The following KCNMA1 variants were observed in gnomAD, a reference collection of about 807,000 sequenced individuals.
The protein encoded by KCNMA1 is potassium calcium-activated channel subfamily M alpha 1.
KCNMA1 carries 29 observed loss-of-function variants against 140.0 expected under a neutral mutation model. That is an observed-to-expected ratio of 0.21 (90% CI 0.15 to 0.28). The LOEUF (loss-of-function observed/expected upper bound fraction) is 0.28, where lower values mean the gene tolerates loss of function less well. Ranked by LOEUF, KCNMA1 falls within the 10% of genes least tolerant of loss-of-function variation. The pLI is 1.00. For missense variants in KCNMA1, 880 were observed against 1,602.2 expected (o/e 0.55, Z 7.70); for synonymous variants, 612 against 611.9 (o/e 1.00, Z 0.00).
At chr10:77,506,596 A>AGAGAGAGTGTGTGTGTGTGTGTGTGT in intron 1 of KCNMA1, among the ~76,000 whole-genome samples, 2 of 83,570 alleles carry the variant, frequency 2.4e-5, no homozygotes, top group East Asian at 4.4e-4. Context: ...AGAGAGAGAG[A>AGAGAGAGTGTGTGTGTGTGTGTGTGT]GTGTGTGTGT....
chr10:77,258,613 T>C (rs962418356), intron 2 of KCNMA1, among the ~76,000 whole-genome samples: 4 of 152,222 alleles, frequency 2.6e-5, no homozygotes, highest in African/African-American at 9.6e-5. Context: ...CTTTACTGTT[T>C]AGCAAGTATA....
chr10:77,309,296 G>A (rs113740698), intron 2 of KCNMA1, among the ~76,000 whole-genome samples: 3,832 of 152,246 alleles, frequency 0.025, 149 homozygotes, highest in African/African-American at 0.088. Context: ...CCTGAAGTAC[G>A]CTCTCCAGAT....
chr10:77,471,166 CCACACACAA>C (rs1168263138), intron 1 of KCNMA1, among the ~76,000 whole-genome samples: 2 of 148,678 alleles, frequency 1.3e-5, no homozygotes, highest in East Asian at 4.0e-4. Context: ...TACACACACA[CCACACACAA>C]CACACAATAC....
Position 77,001,504 on chromosome 10 carries a change from G to A in KCNMA1, c.2169C>T (p.Cys723=). 6.4e-7 allele frequency: 1 copy of A among 1,551,764 alleles called. No homozygotes were observed. Among genetic ancestry groups the A allele is most frequent in the Non-Finnish European group, 8.7e-7 (1 of 1,146,724 alleles). The stretch of plus-strand genomic sequence containing the variant: ...CGTTACCACGCACACGGCCTGACAT[G>A]CATGAGCAGTCACGCTCAGAACGTC... ...DCGRSERDCS[C]MSGRVRGNVD... Residue 723 remains cysteine (C), a synonymous_variant, in exon 19 of 28, where the codon TGC becomes TGT. Transcript: ENST00000286628.
chr10:77,618,815 G>C (rs934537667), intron 1 of KCNMA1, among the ~76,000 whole-genome samples: 1 of 152,192 alleles, frequency 6.6e-6, no homozygotes, highest in Non-Finnish European at 1.5e-5. Flanking sequence ...ACCGTACATA[G>C]GGACTTTCTT....
intron 1 of KCNMA1, among the ~76,000 whole-genome samples, chr10:77,425,205 TTATC>T (rs2096956775): frequency 6.6e-6 from 1 of 152,114 alleles, no homozygotes; most frequent in Admixed American, 6.5e-5. Flanking sequence ...GGAGAGCACA[TTATC>T]TATAAACACA....
At chr10:76,967,863 G>T (rs1287539384) in intron 20 of KCNMA1, among the ~76,000 whole-genome samples, 1 of 152,124 alleles carries the variant, frequency 6.6e-6, no homozygotes, top group East Asian at 1.9e-4. Context: ...GACAGCTCCA[G>T]CCCAGGATGA....
chr10:77,603,292 G>A (rs1234409567), intron 1 of KCNMA1, among the ~76,000 whole-genome samples: 1 of 151,980 alleles, frequency 6.6e-6, no homozygotes, highest in South Asian at 2.1e-4. Context: ...AGCTTCCTTC[G>A]GTCCCCCCCA....
At chr10:77,623,892 T>A (rs1035196988) in intron 1 of KCNMA1, among the ~76,000 whole-genome samples, 2 of 152,206 alleles carry the variant, frequency 1.3e-5, no homozygotes, top group African/African-American at 4.8e-5. Context: ...ATGTAATGTA[T>A]CTGTGACAAG....
chr10:77,177,057 G>A (rs966335970), intron 5 of KCNMA1, among the ~76,000 whole-genome samples: 5 of 152,190 alleles, frequency 3.3e-5, no homozygotes, highest in Admixed American at 6.5e-5. Flanking sequence ...AAGGGGCCAT[G>A]AGCCAAGGGG....
chr10:77,623,243 C>G (rs2091836779), intron 1 of KCNMA1, among the ~76,000 whole-genome samples: 1 of 152,062 alleles, frequency 6.6e-6, no homozygotes, highest in Admixed American at 6.5e-5. Context: ...AAAAAGGGAC[C>G]AATTAAAAAT....
In KCNMA1 at chr10:76,919,021, A is replaced by G. The variant is rs1354627295; in HGVS notation, c.2903-3972T>C. 2.6e-5 allele frequency among the ~76,000 whole-genome samples: 4 copies of G among 151,596 alleles called. No individual in the cohort carries two copies. In the East Asian group the frequency reaches 7.7e-4, roughly 29 times the overall value. ...CAGCATTTGCAGTGACCTGGATGAG[A>G]CTGGAGACTATTATTCTAAGTGATG... On this transcript the variant is annotated intron_variant, in intron 23 of 27. Coordinates refer to ENST00000286628, the MANE Select transcript of KCNMA1 (RefSeq NM_001161352.2).
chr10:77,286,411 C>A (rs1283979972), intron 2 of KCNMA1, among the ~76,000 whole-genome samples: 1 of 152,146 alleles, frequency 6.6e-6, no homozygotes, highest in Non-Finnish European at 1.5e-5. Context: ...AAAACATAAC[C>A]CTCTCCTCAT....
chr10:76,936,996 A>G (rs895072994), intron 23 of KCNMA1, among the ~76,000 whole-genome samples: 3 of 152,222 alleles, frequency 2.0e-5, no homozygotes, highest in African/African-American at 7.2e-5. Flanking sequence ...ATCCCTATGT[A>G]ATAAAAATCA....
intron 2 of KCNMA1, among the ~76,000 whole-genome samples, chr10:77,371,157 C>A (rs1282286071): frequency 6.6e-6 from 1 of 152,218 alleles, no homozygotes; most frequent in Non-Finnish European, 1.5e-5. Context: ...GAACGAGACA[C>A]GCTGGCTCCC....
intron 1 of KCNMA1, among the ~76,000 whole-genome samples, chr10:77,530,327 T>C (rs1228331141): frequency 2.0e-5 from 3 of 152,230 alleles, no homozygotes; most frequent in African/African-American, 7.2e-5. Flanking sequence ...GCTCAACTAC[T>C]TGTGTGGCTT....
downstream of KCNMA1, chr10:76,874,371 A>G (rs1054995572): frequency 2.0e-5 from 3 of 152,226 alleles, no homozygotes; most frequent in African/African-American, 7.2e-5. Flanking sequence ...AGCCACTCCC[A>G]TGTTCCCACT....
chr10:77,387,993 A>G (rs1183273393), intron 2 of KCNMA1, among the ~76,000 whole-genome samples: 1 of 152,136 alleles, frequency 6.6e-6, no homozygotes, highest in African/African-American at 2.4e-5. Flanking sequence ...TATTCTCTGT[A>G]GCTGCTACTG....
At chr10:77,579,039 C>T (rs1036985441) in intron 1 of KCNMA1, among the ~76,000 whole-genome samples, 2 of 152,160 alleles carry the variant, frequency 1.3e-5, no homozygotes, top group African/African-American at 2.4e-5. Flanking sequence ...TTTTCCTGTC[C>T]AAACAGGGAG....
Sources: gnomAD v4.1 joint callset for allele counts (sites outside exome capture counted in the v4.1 genomes callset) on GRCh38, gnomAD v4.1.1 for gene constraint, MANE v1.5 for transcripts, NCBI Gene and HGNC (gene_info 2026-07-23, HGNC 2026-07-21) for gene names.